TMC1: variants seen among roughly 807,000 people sequenced by gnomAD.
The protein encoded by TMC1 is transmembrane channel-like protein 1.
In TMC1, 84 loss-of-function variants were observed where a neutral mutation model predicts 105.8. The observed-to-expected ratio is 0.79, with a 90% CI of 0.67 to 0.95. TMC1 has a LOEUF of 0.95. Ranked by LOEUF, TMC1 falls within the 40% of genes least tolerant of loss-of-function variation. TMC1 has a pLI of 0.00. For synonymous variants in TMC1, 315 were observed against 311.5 expected, an observed-to-expected ratio of 1.01 and a Z score of -0.12; for missense variants, 817 against 914.1, an observed-to-expected ratio of 0.89 and a Z score of 1.37.
chr9:72,823,472 A>G (rs780641467), intron 20 of TMC1, among the ~76,000 whole-genome samples: 1 of 152,210 alleles, frequency 6.6e-6, no homozygotes, highest in Non-Finnish European at 1.5e-5. Flanking sequence ...AGTGATGGCT[A>G]GTTGCTCTCC....
chr9:72,746,000 T>C (rs1452370454), intron 10 of TMC1, among the ~76,000 whole-genome samples: 2 of 152,234 alleles, frequency 1.3e-5, no homozygotes, highest in Non-Finnish European at 2.9e-5. Flanking sequence ...ATCATACTTT[T>C]GATTGATAAA....
intron 5 of TMC1, among the ~76,000 whole-genome samples, chr9:72,652,672 T>C (rs1438327937): frequency 6.6e-6 from 1 of 152,242 alleles, no homozygotes; most frequent in Admixed American, 6.5e-5. Context: ...TGTAATTGTA[T>C]TGAGAGCTCT....
chr9:72,557,859 T>A (rs968681798), intron 1 of TMC1, among the ~76,000 whole-genome samples: 10 of 152,208 alleles, frequency 6.6e-5, no homozygotes, highest in Non-Finnish European at 1.3e-4. Context: ...AGTTTCTCAT[T>A]GATTTGTATT....
rs1199726444 is a variant in TMC1, at chr9:72,700,445, T to C, written c.237-73T>C. The C allele has an allele frequency of 5.4e-6, 7 of 1,304,364 alleles. No homozygotes were observed. The East Asian group carries it at 1.1e-4, about 20-fold the overall frequency. The allele number at this position is 1,304,364 out of a possible 1,614,324, so 80.8% of individuals were successfully genotyped here. On this transcript the variant is annotated intron_variant, in intron 7 of 23. Transcript: ENST00000297784. ...TAAAAAAAATGAGCTAAATATCTGATACCTGCCTTCCTTAAGTTCCAAAGT... is the reference window on the plus strand; with the variant it reads ...TAAAAAAAATGAGCTAAATATCTGACACCTGCCTTCCTTAAGTTCCAAAGT...
chr9:72,764,611 C>T (rs550314614), intron 12 of TMC1, among the ~76,000 whole-genome samples: 9 of 152,068 alleles, frequency 5.9e-5, no homozygotes, highest in East Asian at 5.8e-4. Flanking sequence ...ATTATTGCCA[C>T]GTTACTGTCT....
chr9:72,680,516 T>C (rs1588028041), intron 5 of TMC1, among the ~76,000 whole-genome samples: 1 of 152,178 alleles, frequency 6.6e-6, no homozygotes, highest in Non-Finnish European at 1.5e-5. Flanking sequence ...GACTTGCTTT[T>C]TCTATTTTTA....
At chr9:72,617,840 G>A (rs1825160390) in intron 3 of TMC1, among the ~76,000 whole-genome samples, 1 of 151,748 alleles carries the variant, frequency 6.6e-6, no homozygotes, top group South Asian at 2.1e-4. Flanking sequence ...AGGAAGCGCT[G>A]TTAAGTGAAA....
chr9:72,523,956 C>G (rs1161458891), intron 1 of TMC1, among the ~76,000 whole-genome samples: 1 of 152,200 alleles, frequency 6.6e-6, no homozygotes, highest in South Asian at 2.1e-4. Context: ...ATTGCAGCCA[C>G]AAGTCTACAG....
chr9:72,826,464 G>A (rs1197373057), intron 20 of TMC1, among the ~76,000 whole-genome samples: 1 of 152,170 alleles, frequency 6.6e-6, no homozygotes, highest in Non-Finnish European at 1.5e-5. Context: ...TTATTCCACT[G>A]GGCTATTCCT....
intron 1 of TMC1, among the ~76,000 whole-genome samples, chr9:72,545,688 A>G (rs2132067748): frequency 6.6e-6 from 1 of 151,964 alleles, no homozygotes; most frequent in South Asian, 2.1e-4. Context: ...GGGTTTCACC[A>G]TGTTCGCCAG....
chr9:72,758,620 G>A (rs1827707974), intron 12 of TMC1, among the ~76,000 whole-genome samples: 1 of 152,132 alleles, frequency 6.6e-6, no homozygotes, highest in Non-Finnish European at 1.5e-5. Flanking sequence ...GCCGTGGGCT[G>A]TCCCTTTAAG....
At chr9:72,597,965 A>C (rs933297394) in intron 2 of TMC1, among the ~76,000 whole-genome samples, 2 of 152,122 alleles carry the variant, frequency 1.3e-5, no homozygotes. Context: ...CTTTGCTTTG[A>C]ATTATATGAA....
At chr9:72,741,110 CTTT>C (rs11361430) in intron 9 of TMC1, 3 of 151,220 alleles carry the variant, frequency 2.0e-5, no homozygotes, top group African/African-American at 2.5e-5. Context: ...TATGAGTAAT[CTTT>C]TTTTTTTTTG....
chr9:72,777,177 T>C (rs1164913967), intron 13 of TMC1, among the ~76,000 whole-genome samples: 2 of 152,214 alleles, frequency 1.3e-5, no homozygotes, highest in Admixed American at 1.3e-4. Flanking sequence ...TTTTCACTTC[T>C]TTGGTACATG....
At chr9:72,674,782 A>G (rs1826175741) in intron 5 of TMC1, among the ~76,000 whole-genome samples, 1 of 152,238 alleles carries the variant, frequency 6.6e-6, no homozygotes, top group African/African-American at 2.4e-5. Context: ...GAGTGGCAGA[A>G]TTCAACACCA....
At chr9:72,749,304 G>A (rs903794558) in intron 10 of TMC1, among the ~76,000 whole-genome samples, 2 of 152,182 alleles carry the variant, frequency 1.3e-5, no homozygotes, top group Admixed American at 6.5e-5. Context: ...CATACTGGAA[G>A]ATCTTACATG....
intron 17 of TMC1, 156 bp from the exon 18 acceptor site, chr9:72,805,224 ATT>A (rs1828551393): frequency 1.7e-6 from 1 of 592,518 alleles, no homozygotes; most frequent in African/African-American, 1.9e-5. Context: ...AGGGTGAAAT[ATT>A]TTTTATTTAC....
At chr9:72,729,776 T>C (rs1361099845) in intron 8 of TMC1, among the ~76,000 whole-genome samples, 2 of 152,166 alleles carry the variant, frequency 1.3e-5, no homozygotes, top group African/African-American at 2.4e-5. Context: ...GAGAAAAACA[T>C]AACACATTTC....
chr9:72,606,998 T>TAG lies in TMC1; in HGVS notation c.-305-9369_-305-9368insGA, dbSNP rs566531350. 6.5e-3 allele frequency among the ~76,000 whole-genome samples: 760 copies of TAG among 117,244 alleles called. 5 individuals carry two copies. Among genetic ancestry groups the TAG allele is most frequent in the Admixed American group, 9.8e-3 (116 of 11,844 alleles). 76.9% of individuals were successfully genotyped at this position (117,244 alleles called of 152,430 possible). On this transcript the variant is annotated intron_variant, in intron 2 of 23. Transcript: ENST00000297784. Reference sequence around the variant, plus strand: ...GTGTGTGTGCATATATATATATATATATATAGAGAGAGAGAGAGAGAGAGA... The same window carrying TAG: ...GTGTGTGTGCATATATATATATATATAGATATAGAGAGAGAGAGAGAGAGAGA...
Sources: allele counts gnomAD v4.1 joint callset (sites outside exome capture counted in the v4.1 genomes callset), GRCh38; gene constraint gnomAD v4.1.1; transcripts MANE v1.5; gene names NCBI Gene and HGNC (gene_info 2026-07-23, HGNC 2026-07-21).